The following C10orf143 variants were observed in gnomAD, a reference collection of about 807,000 sequenced individuals.
The protein encoded by C10orf143 is uncharacterized protein C10orf143.
At chr10:130,046,703 G>A (rs1274136309) in intron 3 of C10orf143, among the ~76,000 whole-genome samples, 1 of 152,244 alleles carries the variant, frequency 6.6e-6, no homozygotes, top group Non-Finnish European at 1.5e-5. Context: ...CGGGCTGGGC[G>A]TGTCCTTTCT....
intron 1 of C10orf143, among the ~76,000 whole-genome samples, chr10:130,086,489 G>A (rs529292823): frequency 1.3e-5 from 2 of 152,270 alleles, no homozygotes; most frequent in Admixed American, 1.3e-4. Context: ...AGCCTTCTAT[G>A]TCTTCACCTA....
At chr10:130,036,373 C>T (rs932432905) in intron 3 of C10orf143, among the ~76,000 whole-genome samples, 7 of 152,150 alleles carry the variant, frequency 4.6e-5, no homozygotes, top group African/African-American at 1.7e-4. Context: ...TGTCATAGGA[C>T]GATGGTAATC....
chr10:130,090,402 T>C (rs1042963986), intron 1 of C10orf143, among the ~76,000 whole-genome samples: 4 of 152,148 alleles, frequency 2.6e-5, no homozygotes, highest in Non-Finnish European at 5.9e-5. Flanking sequence ...GCTTTTCCCA[T>C]GGTCTTCGCA....
rs1564969244 is a variant in C10orf143, at chr10:130,099,535, TTTA to T, written c.69+11166_69+11168del. On this transcript the variant is annotated intron_variant, in intron 1 of 3. Coordinates refer to ENST00000637128, the MANE Select transcript of C10orf143 (RefSeq NM_001355042.2). ...TTTTATTTATTTATTTATTTATTTATTTATTTATTTATTTATTTTGAGACACAG... is the reference window on the plus strand; with the variant it reads ...TTTTATTTATTTATTTATTTATTTATTTTATTTATTTATTTTGAGACACAG... 4.0e-5 allele frequency among the ~76,000 whole-genome samples: 6 copies of T among 150,666 alleles called. No homozygotes were observed. The East Asian group carries it at 7.8e-4, about 20-fold the overall frequency.
At chr10:130,078,727 G>A (rs560269716) in intron 3 of C10orf143, among the ~76,000 whole-genome samples, 2 of 152,130 alleles carry the variant, frequency 1.3e-5, no homozygotes, top group African/African-American at 2.4e-5. Context: ...GCTTATCATC[G>A]TAAAACACAG....
intron 1 of C10orf143, among the ~76,000 whole-genome samples, chr10:130,090,484 G>A (rs537848966): frequency 4.7e-4 from 71 of 152,238 alleles, no homozygotes; most frequent in African/African-American, 1.4e-3. Flanking sequence ...AAAACTGGGC[G>A]GCCATTTGGG....
Position 130,056,021 on chromosome 10 carries a change from T to C in C10orf143, c.298-20051A>G, listed in dbSNP as rs1273704398. Among the ~76,000 whole-genome samples, 3 of 106,568 alleles carry C rather than the reference T, an allele frequency of 2.8e-5. No individual in the cohort carries two copies. The highest frequency in any genetic ancestry group is 1.0e-4 in the African/African-American group (3 of 29,094). 69.9% of individuals were successfully genotyped at this position (106,568 alleles called of 152,430 possible). A position where few individuals can be genotyped will look rare whatever the true frequency, so the allele number is the denominator to read the frequency against. ...GGGCCTTATCAGAAGAGTGATGAAA[T>C]AGATCATTTTAACTGAAAAATGCAT... On this transcript the variant is annotated intron_variant and NMD_transcript_variant, in intron 3 of 5. Transcript: ENST00000643056. This position sits in a 1 kb window ranked among gnomAD's most constrained non-coding sequence, Gnocchi z 4.6.
intron 1 of C10orf143, among the ~76,000 whole-genome samples, chr10:130,098,134 C>T (rs192312113): frequency 6.6e-6 from 1 of 152,128 alleles, no homozygotes; most frequent in Non-Finnish European, 1.5e-5. Flanking sequence ...ACAAGCCTGG[C>T]CAACATAGGG....
chr10:130,101,865 C>CAAAAAAAAAA lies in C10orf143; in HGVS notation c.69+8829_69+8838dup, dbSNP rs1267433489. On this transcript the variant is annotated intron_variant, in intron 1 of 3. Coordinates refer to ENST00000637128, the MANE Select transcript of C10orf143 (RefSeq NM_001355042.2). Reference sequence around the variant, plus strand: ...ACTCTGTCTCAAAAAAAAAAAAAACCAAAAAAAAAAAAAAAAAAAACTTTT... The same window carrying CAAAAAAAAAA: ...ACTCTGTCTCAAAAAAAAAAAAAACCAAAAAAAAAAAAAAAAAAAAAAAAAAAAAACTTTT... Among the ~76,000 whole-genome samples the CAAAAAAAAAA allele has an allele frequency of 8.6e-4, 41 of 47,734 alleles. 5 individuals are homozygous for CAAAAAAAAAA. The highest frequency in any genetic ancestry group is 2.8e-3 in the African/African-American group (21 of 7,586). The allele number at this position is 47,734 out of a possible 152,430, so 31.3% of individuals were successfully genotyped here. A position where few individuals can be genotyped will look rare whatever the true frequency, so the allele number is the denominator to read the frequency against.
chr10:130,042,255 C>G (rs1026752620), intron 3 of C10orf143, among the ~76,000 whole-genome samples: 1 of 152,330 alleles, frequency 6.6e-6, no homozygotes, highest in African/African-American at 2.4e-5. Context: ...GTACATGGAA[C>G]GATCATTCTG....
intron 3 of C10orf143, among the ~76,000 whole-genome samples, chr10:130,072,936 A>G (rs985776774): frequency 2.0e-5 from 3 of 152,238 alleles, no homozygotes; most frequent in Non-Finnish European, 2.9e-5. Context: ...CAAGGTTGCC[A>G]CAAATCTTCA....
At chr10:130,038,370 G>A (rs1165689826) in intron 3 of C10orf143, among the ~76,000 whole-genome samples, 1 of 152,114 alleles carries the variant, frequency 6.6e-6, no homozygotes, top group Non-Finnish European at 1.5e-5. Flanking sequence ...TCCAGGCAAG[G>A]CCACCCCAGC....
intron 1 of C10orf143, chr10:130,107,321 C>G (rs754585397): frequency 8.4e-6 from 9 of 1,067,076 alleles, no homozygotes; most frequent in African/African-American, 1.5e-5. Flanking sequence ...CACTAAAGAG[C>G]TGGAGACCTA....
chr10:130,106,752 T>C lies in C10orf143; in HGVS notation c.69+3952A>G, dbSNP rs765133363. The C allele has an allele frequency of 3.2e-6, 4 of 1,245,686 alleles. No individual in the cohort carries two copies. In the African/African-American group the frequency reaches 5.8e-5, roughly 18 times the overall value. 77.2% of individuals were successfully genotyped at this position (1,245,686 alleles called of 1,614,324 possible). ...GAAGCTGAAGTATGGAACGAACAAG[T>C]GAATGAACTTAATAAACAGAAAATA... On this transcript the variant is annotated intron_variant, in intron 1 of 3. Transcript: ENST00000637128.
At chr10:130,089,485 A>AT (rs1338059012) in intron 1 of C10orf143, among the ~76,000 whole-genome samples, 1 of 152,184 alleles carries the variant, frequency 6.6e-6, no homozygotes, top group Non-Finnish European at 1.5e-5. Context: ...GTAAAAAAAA[A>AT]CCTTAGCCAA....
At chr10:130,108,025 T>C (rs1293988261) in intron 1 of C10orf143, 2 of 1,497,358 alleles carry the variant, frequency 1.3e-6, no homozygotes, top group Admixed American at 1.7e-5. Context: ...TGGAATCCAG[T>C]AGAAATGACA....
Position 130,049,416 on chromosome 10 carries a change from C to A in C10orf143, c.298-13446G>T, listed in dbSNP as rs538712748. Among the ~76,000 whole-genome samples the A allele has an allele frequency of 4.6e-5, 7 of 152,288 alleles. No individual in the cohort carries two copies. In the South Asian group the frequency reaches 1.4e-3, roughly 32 times the overall value. ...CAAACGACTGATTCCAAGTGGAAAA[C>A]ATGCCCCGGGTGCCATCCAGGGTGG... On this transcript the variant is annotated intron_variant and NMD_transcript_variant, in intron 3 of 5. Coordinates refer to the C10orf143 transcript ENST00000643056.
chr10:130,092,132 A>G (rs553762677), intron 1 of C10orf143, among the ~76,000 whole-genome samples: 1 of 152,338 alleles, frequency 6.6e-6, no homozygotes, highest in East Asian at 1.9e-4. Flanking sequence ...CTAAGATTGA[A>G]ATGAAGAAAA....
intron 1 of C10orf143, among the ~76,000 whole-genome samples, chr10:130,105,730 C>T (rs1388132413): frequency 2.0e-5 from 3 of 151,786 alleles, no homozygotes; most frequent in Non-Finnish European, 4.4e-5. Flanking sequence ...GACTCCGTTC[C>T]CCTCCCCCCC....
Sources: gnomAD v4.1 joint callset for allele counts (sites outside exome capture counted in the v4.1 genomes callset) on GRCh38, gnomAD v4.1.1 for gene constraint, Gnocchi (gnomAD v3.1) non-coding constraint, MANE v1.5 for transcripts, NCBI Gene and HGNC (gene_info 2026-07-23, HGNC 2026-07-21) for gene names.